MLPH: variants seen among roughly 807,000 people sequenced by gnomAD.
The protein encoded by MLPH is melanophilin, also known as exophilin-3.
In MLPH, 51 loss-of-function variants were observed where a neutral mutation model predicts 72.1. The observed-to-expected ratio is 0.71, with a 90% CI of 0.56 to 0.89. The LOEUF (loss-of-function observed/expected upper bound fraction) is 0.89. MLPH is among the 40% of genes least tolerant of loss of function. The probability of loss-of-function intolerance (pLI) is 0.00; values close to 1 mark genes in which losing one functional copy is unlikely to be tolerated. For synonymous variants in MLPH, 301 were observed against 310.1 expected, an observed-to-expected ratio of 0.97 and a Z score of 0.31; for missense variants, 743 against 759.9, an observed-to-expected ratio of 0.98 and a Z score of 0.26.
At chr2:237,545,360 T>C in intron 12 of MLPH, 1 of 1,039,398 alleles carries the variant, frequency 9.6e-7, no homozygotes, top group Non-Finnish European at 1.3e-6. Flanking sequence ...TCCCTTCCCG[T>C]GAACATCCGG....
Position 237,549,234 on chromosome 2 carries a change from C to CCTAT in MLPH, c.1634_1637dup (p.Leu547SerfsTer8). The stretch of plus-strand genomic sequence containing the variant: ...TGTTTCTTCTAGGCAATGGCTGTGC[C>CCTAT]CTATCTTCTGAGAAGAAAGTTCAGT... On this transcript the variant is annotated frameshift_variant, in exon 14 of 16. Transcript: ENST00000264605. LOFTEE classifies it high-confidence loss of function. 1 of 1,614,082 alleles carries CCTAT rather than the reference C, an allele frequency of 6.2e-7. No individual in the cohort carries two copies. Among genetic ancestry groups the CCTAT allele is most frequent in the Non-Finnish European group, 8.5e-7 (1 of 1,179,976 alleles).
intron 14 of MLPH, among the ~76,000 whole-genome samples, chr2:237,550,328 T>C (rs13398593): frequency 0.21 from 31,700 of 152,194 alleles, 5,993 homozygotes; most frequent in African/African-American, 0.51. Context: ...GCTCTTTGCA[T>C]GCCCTGAGCT....
chr2:237,553,650 C>T lies in MLPH; in HGVS notation c.*58C>T, dbSNP rs1429823876. ...ACTGTTTTCCCTCCACCACAGCCAT[C>T]CTGTCCCTCATTGGCTCTGTGCTTT... On this transcript the variant is annotated 3_prime_UTR_variant, in exon 16 of 16. Transcript: ENST00000264605. The T allele has an allele frequency of 6.2e-7, 1 of 1,611,054 alleles. No individual in the cohort carries two copies.
chr2:237,534,246 G>A (rs2080485095), intron 8 of MLPH, among the ~76,000 whole-genome samples: 1 of 152,186 alleles, frequency 6.6e-6, no homozygotes, highest in Non-Finnish European at 1.5e-5. Context: ...AGTGACAGTG[G>A]CTGTCCACAG....
chr2:237,534,902 G>A (rs1381706864), intron 9 of MLPH, among the ~76,000 whole-genome samples: 4 of 152,144 alleles, frequency 2.6e-5, no homozygotes. Context: ...GGGCACATAC[G>A]TGTAACAGCC....
chr2:237,552,486 G>A (rs752981687), intron 15 of MLPH, 49 bp downstream of exon 15: 24 of 1,481,514 alleles, frequency 1.6e-5, no homozygotes, highest in East Asian at 2.3e-5. Flanking sequence ...TCAGTGACCC[G>A]TCAGATTTAT....
chr2:237,534,485 C>T lies in MLPH; in HGVS notation c.1021-79C>T, dbSNP rs2080490037. 9.3e-6 allele frequency: 11 copies of T among 1,180,436 alleles called. No homozygotes were observed. In the South Asian group the frequency reaches 1.1e-4, roughly 12 times the overall value. The allele number at this position is 1,180,436 out of a possible 1,614,324, so 73.1% of individuals were successfully genotyped here. A position where few individuals can be genotyped will look rare whatever the true frequency, so the allele number is the denominator to read the frequency against. On this transcript the variant is annotated intron_variant, in intron 8 of 15. Transcript: ENST00000264605. ...TCCGCTTCTTGGGAATTTGGTGCTT[C>T]AGAGGTGGTGGGTGCCAGTGTCTTG...
chr2:237,545,416 G>A, intron 12 of MLPH: 1 of 1,273,534 alleles, frequency 7.9e-7, no homozygotes, highest in Non-Finnish European at 1.0e-6. Flanking sequence ...CTTTGTTGGG[G>A]TTCATTTTTG....
rs557991940 is a variant in MLPH, at chr2:237,546,035, G to A, written c.1540-571G>A. 5.3e-5 allele frequency among the ~76,000 whole-genome samples: 8 copies of A among 152,308 alleles called. No individual in the cohort carries two copies. The East Asian group carries it at 1.5e-3, about 29-fold the overall frequency. ...AATTTGCTTTTATACATCTTAGGGG[G>A]ACATGAGACATCAATCAGTAGGTGT... On this transcript the variant is annotated intron_variant, in intron 12 of 15. Transcript: ENST00000264605.
chr2:237,537,876 G>A (rs375285549), intron 9 of MLPH, among the ~76,000 whole-genome samples: 114 of 151,916 alleles, frequency 7.5e-4, no homozygotes, highest in African/African-American at 2.6e-3. Flanking sequence ...GACCAAGGAC[G>A]GCACTAAAGT....
chr2:237,516,910 TGGTA>T lies in MLPH; in HGVS notation c.446-1626_446-1623del, dbSNP rs1284261363. On this transcript the variant is annotated intron_variant, in intron 4 of 15. Transcript: ENST00000264605. ...TAGGATGGATGGTAGGATGGATGGA[TGGTA>T]GGATGGATGGATGGATGGATGGATG... Among the ~76,000 whole-genome samples the T allele has an allele frequency of 2.5e-3, 313 of 123,548 alleles. 1 individual carries two copies. The highest frequency in any genetic ancestry group is 0.014 in the African/African-American group (283 of 20,870). The allele number at this position is 123,548 out of a possible 152,430, so 81.1% of individuals were successfully genotyped here.
intron 9 of MLPH, chr2:237,537,798 G>A (rs988551157): frequency 2.0e-5 from 3 of 152,248 alleles, no homozygotes; most frequent in Admixed American, 2.0e-4. Context: ...ACTTCCTGGT[G>A]GAGGCACCTG....
intron 2 of MLPH, among the ~76,000 whole-genome samples, chr2:237,509,721 T>C (rs565411014): frequency 6.6e-6 from 1 of 152,238 alleles, no homozygotes; most frequent in East Asian, 1.9e-4. Context: ...AGGAAAATCG[T>C]GAAGTTCAGC....
intron 9 of MLPH, among the ~76,000 whole-genome samples, chr2:237,536,605 G>A (rs1333784831): frequency 2.0e-5 from 3 of 152,060 alleles, no homozygotes; most frequent in Non-Finnish European, 4.4e-5. Context: ...AAGCTCCAGC[G>A]CCCCATCGGA....
rs1004420729 is a variant in MLPH at position 237,527,371 on chromosome 2, C to T, written c.881-6C>T. 6.2e-7 allele frequency: 1 copy of T among 1,614,224 alleles called. No homozygotes were observed. ...CAAGTAATTCAAACCCACTCTCGCTCTGAAGGGTCGAATGTCATCAGGAAT... is the reference window on the plus strand; with the variant it reads ...CAAGTAATTCAAACCCACTCTCGCTTTGAAGGGTCGAATGTCATCAGGAAT... On this transcript the variant is annotated splice_region_variant and splice_polypyrimidine_tract_variant and intron_variant, in intron 7 of 15. Transcript: ENST00000264605.
intron 7 of MLPH, among the ~76,000 whole-genome samples, chr2:237,526,763 C>A (rs542015390): frequency 6.6e-6 from 1 of 152,144 alleles, no homozygotes; most frequent in Non-Finnish European, 1.5e-5. Context: ...ACCTCTCAAA[C>A]GGGGAGTGTC....
chr2:237,546,424 A>C, intron 12 of MLPH, 182 bp from the exon 13 acceptor site: 1 of 640,556 alleles, frequency 1.6e-6, no homozygotes, highest in Non-Finnish European at 2.8e-6. Flanking sequence ...TTTCATTTGC[A>C]CACTTTGGCG....
chr2:237,525,535 C>T, intron 6 of MLPH, 66 bp from the exon 7 acceptor site: 1 of 1,545,046 alleles, frequency 6.5e-7, no homozygotes, highest in Non-Finnish European at 8.9e-7. Flanking sequence ...TTGAAAGACC[C>T]ACATTCCAGG....
intron 4 of MLPH, among the ~76,000 whole-genome samples, chr2:237,514,593 A>G (rs1164638701): frequency 1.3e-5 from 2 of 152,158 alleles, no homozygotes; most frequent in African/African-American, 4.8e-5. Context: ...AGAAGGTCAG[A>G]GAGAAACTTT....
Sources: gnomAD v4.1 joint callset for allele counts (sites outside exome capture counted in the v4.1 genomes callset) on GRCh38, gnomAD v4.1.1 for gene constraint, MANE v1.5 for transcripts, NCBI Gene and HGNC (gene_info 2026-07-23, HGNC 2026-07-21) for gene names.